The following COL22A1 variants were observed in gnomAD, a reference collection of about 807,000 sequenced individuals.
The protein encoded by COL22A1 is collagen alpha-1(XXII) chain.
A neutral mutation model predicts 248.9 loss-of-function variants in COL22A1; 221 were observed. The observed-to-expected ratio is 0.89, with a 90% CI of 0.80 to 0.99. The LOEUF (loss-of-function observed/expected upper bound fraction) is 0.99, where lower values mean the gene tolerates loss of function less well. Among genes scored for constraint, COL22A1 ranks in the 50% least tolerant of loss-of-function variants. COL22A1 has a pLI of 0.00. For missense variants in COL22A1, 2,240 were observed against 2,179.0 expected, an observed-to-expected ratio of 1.03 and a Z score of -0.56; for synonymous variants, 891 against 793.4, an observed-to-expected ratio of 1.12 and a Z score of -2.07.
chr8:138,723,570 C>T (rs551004426), intron 25 of COL22A1, among the ~76,000 whole-genome samples: 5 of 152,292 alleles, frequency 3.3e-5, no homozygotes, highest in African/African-American at 4.8e-5. Context: ...CCCTTTGGAT[C>T]GGATGGGATT....
chr8:138,691,787 T>C (rs1271572173), intron 35 of COL22A1, among the ~76,000 whole-genome samples: 4 of 151,726 alleles, frequency 2.6e-5, no homozygotes, highest in Non-Finnish European at 5.9e-5. Flanking sequence ...TGCATGTTTG[T>C]GGAGGTGTGT....
intron 61 of COL22A1, among the ~76,000 whole-genome samples, chr8:138,597,230 C>T (rs552167185): frequency 5.9e-5 from 9 of 152,342 alleles, no homozygotes; most frequent in Non-Finnish European, 1.0e-4. Flanking sequence ...ACCCTTCCAG[C>T]GTATTCACTG....
chr8:138,875,384 C>A (rs1437521786), intron 3 of COL22A1, among the ~76,000 whole-genome samples: 1 of 152,096 alleles, frequency 6.6e-6, no homozygotes, highest in Non-Finnish European at 1.5e-5. Flanking sequence ...GGGCATGAAG[C>A]TCCTGCTGAG....
At position 138,677,346 on chromosome 8, in the gene COL22A1, C is replaced by T. The variant is rs533937468; in HGVS notation, c.3073-711G>A. ...GAGATTATGCAGAGAGAGTGCTTGG[C>T]ACAGAGCCCAGCACAGCACTGAACC... On this transcript the variant is annotated intron_variant, in intron 40 of 64. Transcript: ENST00000303045. 8.5e-5 allele frequency among the ~76,000 whole-genome samples: 13 copies of T among 152,326 alleles called. No homozygotes were observed. In the East Asian group the frequency reaches 2.5e-3, roughly 29 times the overall value.
chr8:138,764,138 G>C (rs886634211), intron 16 of COL22A1, among the ~76,000 whole-genome samples: 2 of 152,338 alleles, frequency 1.3e-5, no homozygotes, highest in South Asian at 2.1e-4. Context: ...AGGGGTTGCA[G>C]GTTCTTGGTT....
intron 15 of COL22A1, among the ~76,000 whole-genome samples, chr8:138,777,054 C>A (rs912196948): frequency 6.6e-6 from 1 of 152,170 alleles, no homozygotes; most frequent in African/African-American, 2.4e-5. Flanking sequence ...CAGGCAATGG[C>A]GCAGGGTAGG....
intron 32 of COL22A1, among the ~76,000 whole-genome samples, chr8:138,698,628 G>C (rs1236778338): frequency 2.0e-5 from 3 of 152,192 alleles, no homozygotes; most frequent in Non-Finnish European, 4.4e-5. Context: ...CATGCAGTGA[G>C]TGCTGCCCTG....
chr8:138,677,312 T>A (rs1230139847), intron 40 of COL22A1, among the ~76,000 whole-genome samples: 1 of 152,234 alleles, frequency 6.6e-6, no homozygotes, highest in Admixed American at 6.5e-5. Flanking sequence ...GATGTTGTGC[T>A]CACTCTATGA....
intron 47 of COL22A1, among the ~76,000 whole-genome samples, chr8:138,642,124 A>G (rs754708756): frequency 1.1e-4 from 16 of 152,174 alleles, no homozygotes; most frequent in African/African-American, 1.2e-4. Flanking sequence ...AGACTAAAGC[A>G]TTGCACCCCA....
intron 4 of COL22A1, among the ~76,000 whole-genome samples, chr8:138,838,729 A>G (rs1194600456): frequency 6.6e-6 from 1 of 152,154 alleles, no homozygotes; most frequent in African/African-American, 2.4e-5. Flanking sequence ...AGAATAAAAA[A>G]TGTTCCCGAG....
chr8:138,806,066 G>GTGTA (rs1337663402), intron 10 of COL22A1, among the ~76,000 whole-genome samples: 85 of 1,800 alleles, frequency 0.047, 4 homozygotes, highest in South Asian at 0.1. Flanking sequence ...GTGTGTGGTG[G>GTGTA]TGTGTGTGAT....
At chr8:138,634,361 G>A (rs1343072956) in intron 49 of COL22A1, among the ~76,000 whole-genome samples, 1 of 152,090 alleles carries the variant, frequency 6.6e-6, no homozygotes, top group Non-Finnish European at 1.5e-5. Context: ...TGGAACCCAT[G>A]GGAAATCCCA....
chr8:138,632,774 G>T (rs1005169771), intron 49 of COL22A1, among the ~76,000 whole-genome samples: 4 of 152,192 alleles, frequency 2.6e-5, no homozygotes, highest in African/African-American at 2.4e-5. Flanking sequence ...AAATGTTCAT[G>T]AAATAAAGGG....
intron 3 of COL22A1, among the ~76,000 whole-genome samples, chr8:138,848,317 A>G (rs2131888869): frequency 6.6e-6 from 1 of 152,328 alleles, no homozygotes; most frequent in South Asian, 2.1e-4. Context: ...ACTTCTGAAG[A>G]GAAAAAAGGT....
intron 3 of COL22A1, among the ~76,000 whole-genome samples, chr8:138,854,818 TGATGATGGTGAC>T (rs968719875): frequency 2.5e-4 from 38 of 151,820 alleles, no homozygotes; most frequent in Admixed American, 1.4e-3. Context: ...ATGATGATGG[TGATGATGGTGAC>T]GATGATGGTG....
intron 4 of COL22A1, among the ~76,000 whole-genome samples, chr8:138,835,668 C>T (rs143860194): frequency 6.6e-6 from 1 of 152,316 alleles, no homozygotes; most frequent in African/African-American, 2.4e-5. Context: ...GTAACGCAGC[C>T]TTGGTCCCTG....
intron 41 of COL22A1, among the ~76,000 whole-genome samples, chr8:138,668,748 T>C (rs72727886): frequency 0.13 from 20,006 of 152,244 alleles, 2,097 homozygotes; most frequent in African/African-American, 0.29. Flanking sequence ...AGTGGCTGCA[T>C]GGCATGGAGC....
intron 23 of COL22A1, among the ~76,000 whole-genome samples, chr8:138,725,968 G>A (rs1259521603): frequency 6.6e-6 from 1 of 152,204 alleles, no homozygotes; most frequent in Non-Finnish European, 1.5e-5. Context: ...CTGTACTTGT[G>A]AAGGTTCCCC....
intron 15 of COL22A1, chr8:138,778,066 A>G (rs1376622444): frequency 4.0e-6 from 2 of 498,004 alleles, no homozygotes; most frequent in Non-Finnish European, 3.6e-6. Context: ...AAGTGTCAAA[A>G]ATCCTGTGGT....
Sources: allele counts gnomAD v4.1 joint callset (sites outside exome capture counted in the v4.1 genomes callset), GRCh38; gene constraint gnomAD v4.1.1; transcripts MANE v1.5; gene names NCBI Gene and HGNC (gene_info 2026-07-23, HGNC 2026-07-21).